Variants in RALGAPA1 observed in about 807,000 individuals in gnomAD.
The protein encoded by RALGAPA1 is ral GTPase-activating protein subunit alpha-1.
A neutral mutation model predicts 269.6 loss-of-function variants in RALGAPA1; 52 were observed. The observed-to-expected ratio is 0.19, with a 90% CI of 0.15 to 0.24. The LOEUF is 0.24. Among genes scored for constraint, RALGAPA1 ranks in the 10% least tolerant of loss-of-function variants. RALGAPA1 has a pLI of 1.00. For missense variants in RALGAPA1, 1,917 were observed against 3,013.9 expected (o/e 0.64, Z 8.52); for synonymous variants, 817 against 1,008.3 (o/e 0.81, Z 3.60).
chr14:35,560,031 G>C (rs1006671054), intron 39 of RALGAPA1, among the ~76,000 whole-genome samples: 1 of 152,216 alleles, frequency 6.6e-6, no homozygotes, highest in African/African-American at 2.4e-5. Flanking sequence ...GGCAATTATT[G>C]CTCAACTAAT....
chr14:35,545,241 T>C (rs1279058213), intron 41 of RALGAPA1, among the ~76,000 whole-genome samples: 1 of 152,026 alleles, frequency 6.6e-6, no homozygotes, highest in Non-Finnish European at 1.5e-5. Context: ...CTAAAAAAGG[T>C]TACCTAAAGC....
At chr14:35,763,112 C>T (rs555281438) in intron 4 of RALGAPA1, among the ~76,000 whole-genome samples, 1 of 152,290 alleles carries the variant, frequency 6.6e-6, no homozygotes, top group South Asian at 2.1e-4. Context: ...TAGTTAACCA[C>T]ATGAACATCC....
At chr14:35,652,221 T>C (rs987057600) in intron 30 of RALGAPA1, among the ~76,000 whole-genome samples, 1 of 151,930 alleles carries the variant, frequency 6.6e-6, no homozygotes, top group African/African-American at 2.4e-5. Flanking sequence ...AAAAGACTAA[T>C]AAAAACCATC....
intron 36 of RALGAPA1, among the ~76,000 whole-genome samples, chr14:35,604,900 T>G (rs576274342): frequency 6.6e-6 from 1 of 152,224 alleles, no homozygotes; most frequent in African/African-American, 2.4e-5. Context: ...ATAAACATAC[T>G]TATACAAATC....
chr14:35,637,207 C>T (rs1158753687), intron 31 of RALGAPA1, among the ~76,000 whole-genome samples: 3 of 152,090 alleles, frequency 2.0e-5, no homozygotes. Context: ...GAAAACATGA[C>T]CTCACCAAAT....
At chr14:35,657,185 CT>C (rs1471750656) in intron 28 of RALGAPA1, among the ~76,000 whole-genome samples, 1 of 150,658 alleles carries the variant, frequency 6.6e-6, no homozygotes, top group African/African-American at 2.4e-5. Context: ...TTTTCTTTTT[CT>C]TTTTTCTTTT....
At chr14:35,805,651 T>C (rs1035784229) in intron 1 of RALGAPA1, among the ~76,000 whole-genome samples, 5 of 151,022 alleles carry the variant, frequency 3.3e-5, no homozygotes, top group East Asian at 1.9e-4. Flanking sequence ...TGGGAGGTTA[T>C]ACATACATAC....
At chr14:35,552,733 A>AT (rs1238817203) in intron 39 of RALGAPA1, among the ~76,000 whole-genome samples, 5 of 151,856 alleles carry the variant, frequency 3.3e-5, no homozygotes, top group African/African-American at 1.2e-4. Context: ...AAAAAAAAAA[A>AT]AATAACACAC....
chr14:35,635,225 A>G (rs1594908935), intron 32 of RALGAPA1, among the ~76,000 whole-genome samples: 1 of 152,124 alleles, frequency 6.6e-6, no homozygotes, highest in African/African-American at 2.4e-5. Context: ...ACAAAGAATG[A>G]CTAAAATTAA....
chr14:35,807,824 C>T (rs546013112), intron 1 of RALGAPA1: 3 of 152,348 alleles, frequency 2.0e-5, no homozygotes, highest in African/African-American at 7.2e-5. Context: ...AGGAGGACAG[C>T]TCGAGATAAA....
intron 16 of RALGAPA1, among the ~76,000 whole-genome samples, chr14:35,718,790 G>C (rs1011645173): frequency 6.6e-6 from 1 of 151,646 alleles, no homozygotes; most frequent in African/African-American, 2.4e-5. Flanking sequence ...GGACAACAGA[G>C]CAAGACTCCA....
intron 17 of RALGAPA1, among the ~76,000 whole-genome samples, chr14:35,698,911 G>A (rs993931417): frequency 1.3e-5 from 2 of 152,118 alleles, no homozygotes; most frequent in Non-Finnish European, 2.9e-5. Context: ...AGCATCATAC[G>A]TAACAAAATT....
At chr14:35,717,710 A>C (rs2068966027) in intron 16 of RALGAPA1, among the ~76,000 whole-genome samples, 1 of 151,970 alleles carries the variant, frequency 6.6e-6, no homozygotes, top group Non-Finnish European at 1.5e-5. Flanking sequence ...GGCGTGTACT[A>C]CAACGGTCAG....
At chr14:35,607,586 C>T (rs542968860) in intron 35 of RALGAPA1, among the ~76,000 whole-genome samples, 1 of 152,286 alleles carries the variant, frequency 6.6e-6, no homozygotes, top group South Asian at 2.1e-4. Flanking sequence ...CCAACTCCTC[C>T]CAAGTGCTGA....
At chr14:35,808,501 T>C (rs764947843) in intron 1 of RALGAPA1, among the ~76,000 whole-genome samples, 22 of 152,212 alleles carry the variant, frequency 1.4e-4, no homozygotes, top group East Asian at 3.8e-4. Flanking sequence ...TTTTAAAAAA[T>C]AAGTTCAGAC....
intron 35 of RALGAPA1, among the ~76,000 whole-genome samples, chr14:35,620,642 C>T (rs2060557802): frequency 6.6e-6 from 1 of 152,198 alleles, no homozygotes; most frequent in Non-Finnish European, 1.5e-5. Context: ...TCTCCTTAAG[C>T]TGACAAGCAA....
At chr14:35,737,794 A>AAAAAAAAAAAAT (rs2071157857) in intron 12 of RALGAPA1, among the ~76,000 whole-genome samples, 1 of 137,122 alleles carries the variant, frequency 7.3e-6, no homozygotes, top group African/African-American at 2.7e-5. Context: ...AAAAAAAAAA[A>AAAAAAAAAAAAT]GAATGTTCAC....
chr14:35,745,422 G>C (rs919319442), intron 10 of RALGAPA1, among the ~76,000 whole-genome samples: 34 of 146,786 alleles, frequency 2.3e-4, no homozygotes, highest in South Asian at 1.5e-3. Flanking sequence ...CACACAGACA[G>C]ACACACACAC....
intron 35 of RALGAPA1, among the ~76,000 whole-genome samples, chr14:35,608,426 GT>G (rs2059718069): frequency 6.6e-6 from 1 of 152,152 alleles, no homozygotes; most frequent in Non-Finnish European, 1.5e-5. Context: ...AAACCAAGTT[GT>G]TAGAAAATAA....
Sources: gnomAD v4.1 joint callset for allele counts (sites outside exome capture counted in the v4.1 genomes callset) on GRCh38, gnomAD v4.1.1 for gene constraint, MANE v1.5 for transcripts, NCBI Gene and HGNC (gene_info 2026-07-23, HGNC 2026-07-21) for gene names.